The following MAF variants were observed in gnomAD, a reference collection of about 807,000 sequenced individuals.
MAF encodes MAF bZIP transcription factor, also known as transcription factor Maf.
MAF carries 10 observed loss-of-function variants against 22.0 expected under a neutral mutation model. The ratio of observed to expected loss-of-function variants is 0.45; its 90% CI spans 0.28 to 0.77. The LOEUF (loss-of-function observed/expected upper bound fraction) is 0.77, where lower values mean the gene tolerates loss of function less well. MAF is among the 30% of genes least tolerant of loss of function. The pLI, the probability that MAF is intolerant of heterozygous loss-of-function variation, is 0.12. For missense variants in MAF, 544 were observed against 548.4 expected, an observed-to-expected ratio of 0.99 and a Z score of 0.08; for synonymous variants, 337 against 255.8, an observed-to-expected ratio of 1.32 and a Z score of -3.03.
chr16:79,355,807 T>G, the MAF span, among the ~76,000 whole-genome samples: 1 of 152,076 alleles, frequency 6.6e-6, no homozygotes, highest in Non-Finnish European at 1.5e-5. Context: ...GGGCGGCGTG[T>G]GGGGAGGGGA....
the MAF span, among the ~76,000 whole-genome samples, chr16:79,243,065 A>G: frequency 6.6e-6 from 1 of 152,034 alleles, no homozygotes; most frequent in Non-Finnish European, 1.5e-5. Context: ...GCAGAGGGAA[A>G]TTTATAACCA....
the MAF span, among the ~76,000 whole-genome samples, chr16:79,414,447 A>G: frequency 6.6e-6 from 1 of 152,194 alleles, no homozygotes; most frequent in South Asian, 2.1e-4. Context: ...GTGAACTAAT[A>G]GAGTGAGAAC....
the MAF span, chr16:79,211,603 T>G: frequency 6.2e-7 from 1 of 1,614,224 alleles, no homozygotes; most frequent in Non-Finnish European, 8.5e-7. Flanking sequence ...TTCTTGGATT[T>G]CCAGCAACAG....
At chr16:79,210,583 C>A in the MAF span, among the ~76,000 whole-genome samples, 1 of 152,168 alleles carries the variant, frequency 6.6e-6, no homozygotes, top group Non-Finnish European at 1.5e-5. Context: ...CTCTCATCAG[C>A]TGAAAATTAG....
the MAF span, among the ~76,000 whole-genome samples, chr16:79,215,172 G>A: frequency 1.3e-5 from 2 of 152,122 alleles, no homozygotes; most frequent in African/African-American, 2.4e-5. Context: ...TGATTTCAAG[G>A]TCATGCAGAT....
At chr16:79,583,743 T>A (rs1160079063), downstream of MAF, among the ~76,000 whole-genome samples, 2 of 152,150 alleles carry the variant, frequency 1.3e-5, no homozygotes, top group African/African-American at 4.8e-5. Flanking sequence ...CAAAGGGAGA[T>A]TCAAAAGCCA....
the MAF span, chr16:79,211,663 T>TG: frequency 6.2e-7 from 1 of 1,614,220 alleles, no homozygotes; most frequent in Non-Finnish European, 8.5e-7. Flanking sequence ...CTGGAGGGTC[T>TG]GGGAGGGATG....
chr16:79,476,674 T>C, the MAF span, among the ~76,000 whole-genome samples: 1 of 152,102 alleles, frequency 6.6e-6, no homozygotes, highest in Non-Finnish European at 1.5e-5. Context: ...CATCTGGATA[T>C]TCAAAGTGCC....
At chr16:79,254,106 T>C in the MAF span, among the ~76,000 whole-genome samples, 1 of 152,154 alleles carries the variant, frequency 6.6e-6, no homozygotes, top group East Asian at 1.9e-4. Flanking sequence ...CACATTTACA[T>C]TGTAAAAGTA....
the MAF span, among the ~76,000 whole-genome samples, chr16:79,261,309 C>T: frequency 2.0e-5 from 3 of 151,824 alleles, no homozygotes; most frequent in African/African-American, 4.8e-5. Flanking sequence ...CCTGCCACCA[C>T]GCCCAACTAA....
At chr16:79,250,223 G>A in the MAF span, among the ~76,000 whole-genome samples, 1 of 152,206 alleles carries the variant, frequency 6.6e-6, no homozygotes, top group African/African-American at 2.4e-5. Context: ...CTTGTGCATG[G>A]CACTTTGAAC....
the MAF span, among the ~76,000 whole-genome samples, chr16:79,392,064 G>A: frequency 1.1e-4 from 16 of 149,612 alleles, no homozygotes; most frequent in African/African-American, 4.0e-4. Flanking sequence ...GAAGAGAGGA[G>A]AAGACAGAGG....
chr16:79,539,645 T>TA, the MAF span, among the ~76,000 whole-genome samples: 5 of 152,260 alleles, frequency 3.3e-5, no homozygotes, highest in Non-Finnish European at 7.3e-5. Context: ...GTGTTATCTA[T>TA]AACAGGAAAA....
chr16:79,557,634 G>A, the MAF span, among the ~76,000 whole-genome samples: 1 of 152,026 alleles, frequency 6.6e-6, no homozygotes. Flanking sequence ...CCCTCAGAGT[G>A]TTGCAAAGAT....
the MAF span, among the ~76,000 whole-genome samples, chr16:79,530,974 A>C: frequency 6.6e-6 from 1 of 152,200 alleles, no homozygotes; most frequent in African/African-American, 2.4e-5. Flanking sequence ...GAAGGAAACC[A>C]GGAGACTTGC....
At chr16:79,236,268 G>A in the MAF span, among the ~76,000 whole-genome samples, 1 of 152,072 alleles carries the variant, frequency 6.6e-6, no homozygotes, top group African/African-American at 2.4e-5. Context: ...CCTGGTTAAT[G>A]TTGGTGTTTG....
At chr16:79,476,338 C>A in the MAF span, among the ~76,000 whole-genome samples, 1 of 152,182 alleles carries the variant, frequency 6.6e-6, no homozygotes, top group Non-Finnish European at 1.5e-5. Context: ...GGATAATATA[C>A]TGTGAGATAA....
At chr16:79,595,311 A>C (rs1913451151) in intron 1 of MAF, 1 of 1,049,048 alleles carries the variant, frequency 9.5e-7, no homozygotes, top group Non-Finnish European at 1.2e-6. Flanking sequence ...TTTTGTAAAA[A>C]ATAGGCAGGA....
At chr16:79,483,927 A>G in the MAF span, among the ~76,000 whole-genome samples, 2 of 152,182 alleles carry the variant, frequency 1.3e-5, no homozygotes, top group East Asian at 3.9e-4. Flanking sequence ...CAAGGCAGGA[A>G]TGTGTTACCC....
Sources: gnomAD v4.1 joint callset for allele counts (sites outside exome capture counted in the v4.1 genomes callset) on GRCh38, gnomAD v4.1.1 for gene constraint, MANE v1.5 for transcripts, NCBI Gene and HGNC (gene_info 2026-07-23, HGNC 2026-07-21) for gene names.